The following HDC variants were observed in gnomAD, a reference collection of about 807,000 sequenced individuals.
HDC encodes the protein histidine decarboxylase.
In HDC, 27 loss-of-function variants were observed where a neutral mutation model predicts 64.4. The observed-to-expected ratio is 0.42, with a 90% CI of 0.31 to 0.58. The LOEUF is 0.58. Ranked by LOEUF, HDC falls within the 20% of genes least tolerant of loss-of-function variation. The pLI, the probability that HDC is intolerant of heterozygous loss-of-function variation, is 0.16. For synonymous variants in HDC, 305 were observed against 314.2 expected (o/e 0.97, Z 0.31); for missense variants, 711 against 833.9 (o/e 0.85, Z 1.81).
chr15:50,251,427 T>G (rs1405355229), intron 9 of HDC, among the ~76,000 whole-genome samples: 1 of 152,178 alleles, frequency 6.6e-6, no homozygotes, highest in Non-Finnish European at 1.5e-5. Context: ...ATTTTACAGA[T>G]AAGGAAAGCA....
Position 50,252,768 on chromosome 15 carries a change from C to A in HDC, c.794G>T (p.Arg265Leu), listed in dbSNP as rs138457034. 4.6e-4 allele frequency: 735 copies of A among 1,612,628 alleles called. No homozygotes were observed. The highest frequency in any genetic ancestry group is 5.7e-4 in the Non-Finnish European group (675 of 1,179,456). Reference protein sequence around the residue: ...CLSELGPICAREGLWLHIDAA... With the variant: ...CLSELGPICALEGLWLHIDAA... ...ATCGATGTGGAGCCACAGCCCCTCA[C>A]GGGCACCTGAGGAGGCAAACATCAC... The change falls in exon 8 of 12, where the codon CGT (arginine) becomes CTT (leucine). Residue 265 changes from arginine (R) to leucine (L), a missense_variant. Physicochemically the swap from Arg to Leu is moderately radical, Grantham distance 102. Around this residue, in one of 3 missense-constraint regions of HDC, gnomAD observed 483 missense variants for 540.9 expected, o/e 0.89. Coordinates refer to ENST00000267845, the MANE Select transcript of HDC (RefSeq NM_002112.4).
At chr15:50,244,904 A>T (rs1011349626) in intron 10 of HDC, 1 of 152,246 alleles carries the variant, frequency 6.6e-6, no homozygotes, top group Non-Finnish European at 1.5e-5. Context: ...AGTAGCTGGG[A>T]CTACAGACAC....
chr15:50,254,640 T>C lies in HDC; in HGVS notation c.466A>G (p.Ile156Val), dbSNP rs1477551448. ...TTCTTCCTTGCTGCCAGCAGGGCAA[T>C]CAAAGTGGATTCACTGACCGTGCTC... Reference protein sequence around the residue: ...LQSTVSESTLIALLAARKNKI... With the variant: ...LQSTVSESTLVALLAARKNKI... The change falls in exon 5 of 12, where the codon ATT becomes GTT. Residue 156 changes from isoleucine (I) to valine (V), a missense_variant. By Grantham distance (29) the Ile-to-Val change is conservative (BLOSUM62 3). Around this residue, in one of 3 missense-constraint regions of HDC, gnomAD observed 225 missense variants for 276.2 expected, o/e 0.81. Coordinates refer to ENST00000267845, the MANE Select transcript of HDC (RefSeq NM_002112.4). 4 of 1,614,090 alleles carry C rather than the reference T, an allele frequency of 2.5e-6. No individual in the cohort carries two copies. The Admixed American group carries it at 6.7e-5, about 27-fold the overall frequency.
Position 50,242,822 on chromosome 15 carries a change from C to T in HDC, c.1427G>A (p.Ser476Asn), listed in dbSNP as rs763301734. 1 of 1,614,032 alleles carries T rather than the reference C, an allele frequency of 6.2e-7. No homozygotes were observed. Among genetic ancestry groups the T allele is most frequent in the African/African-American group, 1.3e-5 (1 of 75,008 alleles). Residue 476 changes from serine to asparagine, a missense_variant, in exon 12 of 12, where the codon AGT (serine) becomes AAT (asparagine). This residue lies in a region of HDC where 483 missense variants were observed against 540.9 expected (regional missense o/e 0.89). Transcript: ENST00000267845. ...GCTGGGTTGGGAAGTACAGTGCTGACTCAGGATGAGAGTGGCAGCATCTCG... is the reference window on the plus strand; with the variant it reads ...GCTGGGTTGGGAAGTACAGTGCTGATTCAGGATGAGAGTGGCAGCATCTCG... Reference protein sequence around the residue: ...LIRDAATLILSQHCTSQPSPR... With the variant: ...LIRDAATLILNQHCTSQPSPR...
intron 9 of HDC, among the ~76,000 whole-genome samples, chr15:50,249,961 G>T (rs539782109): frequency 2.6e-5 from 4 of 152,300 alleles, no homozygotes; most frequent in South Asian, 2.1e-4. Context: ...GACGTATAAA[G>T]CCTGACAGGG....
chr15:50,256,907 C>T (rs2045640042), intron 4 of HDC, among the ~76,000 whole-genome samples: 1 of 152,110 alleles, frequency 6.6e-6, no homozygotes, highest in Non-Finnish European at 1.5e-5. Context: ...CCATGGGAGG[C>T]ACCCAGAAAG....
At chr15:50,247,727 T>C (rs2045501140) in intron 10 of HDC, among the ~76,000 whole-genome samples, 1 of 152,208 alleles carries the variant, frequency 6.6e-6, no homozygotes, top group South Asian at 2.1e-4. Context: ...TTGAATTGAA[T>C]AGAAATAAAT....
At chr15:50,254,766 CTCTCTCTCTCTG>C in intron 4 of HDC, 102 bp from the exon 5 acceptor site, 3 of 1,056,294 alleles carry the variant, frequency 2.8e-6, no homozygotes, top group Non-Finnish European at 4.2e-6. Flanking sequence ...CTCTCTCTCT[CTCTCTCTCTCTG>C]TGTGTGTATG....
intron 2 of HDC, 75 bp from the exon 3 acceptor site, chr15:50,258,592 T>G: frequency 2.4e-6 from 2 of 843,462 alleles, no homozygotes; most frequent in South Asian, 1.4e-5. Flanking sequence ...AGACCATCTC[T>G]GGCAAGGTGA....
intron 3 of HDC, 51 bp from the exon 4 acceptor site, chr15:50,257,598 G>A: frequency 1.9e-6 from 3 of 1,607,404 alleles, no homozygotes; most frequent in Non-Finnish European, 2.6e-6. Context: ...GCACTGAGGT[G>A]CCCCCACGAG....
At chr15:50,252,895 A>AGG in intron 7 of HDC, 121 bp from the exon 8 acceptor site, 1 of 996,038 alleles carries the variant, frequency 1.0e-6, no homozygotes, top group East Asian at 2.6e-5. Flanking sequence ...TGAGAAACGG[A>AGG]GGGGTGTGGA....
At chr15:50,245,244 A>T (rs1696939253) in intron 10 of HDC, among the ~76,000 whole-genome samples, 1 of 152,246 alleles carries the variant, frequency 6.6e-6, no homozygotes, top group Non-Finnish European at 1.5e-5. Context: ...TTTGGAACAC[A>T]GCATTCCCAT....
At chr15:50,262,901 C>G (rs1446063981) in intron 2 of HDC, among the ~76,000 whole-genome samples, 1 of 152,016 alleles carries the variant, frequency 6.6e-6, no homozygotes, top group African/African-American at 2.4e-5. Flanking sequence ...GTCCTTTCCC[C>G]TCAGACAAAA....
chr15:50,254,473 C>G (rs970160307), intron 5 of HDC, 57 bp downstream of exon 5: 8 of 1,612,816 alleles, frequency 5.0e-6, no homozygotes, highest in Middle Eastern at 1.8e-4. Flanking sequence ...GCTCAAGGAC[C>G]AAGATTCCAG....
In HDC at chr15:50,258,378, G is replaced by A. The variant is rs150277501; in HGVS notation, c.318+26C>T. On this transcript the variant is annotated intron_variant, in intron 3 of 11. Transcript: ENST00000267845. ...CACTCCCTGCTACGTTCCCCATTGC[G>A]AGTAGTTACAGCCGTTGCTACTCAC... 663 of 1,325,050 alleles carry A rather than the reference G, an allele frequency of 5.0e-4. 3 individuals are homozygous for A. In the East Asian group the frequency reaches 0.014, roughly 29 times the overall value. 82.1% of individuals were successfully genotyped at this position (1,325,050 alleles called of 1,614,324 possible).
intron 1 of HDC, among the ~76,000 whole-genome samples, chr15:50,264,858 C>T (rs1172224660): frequency 6.6e-6 from 1 of 152,168 alleles, no homozygotes; most frequent in Non-Finnish European, 1.5e-5. Flanking sequence ...GAGCTCTAGA[C>T]CTAACCCTCC....
At chr15:50,245,224 T>G (rs2045464027) in intron 10 of HDC, among the ~76,000 whole-genome samples, 1 of 152,236 alleles carries the variant, frequency 6.6e-6, no homozygotes, top group African/African-American at 2.4e-5. Flanking sequence ...CACCTGTGTT[T>G]GTAAAGTTTT....
rs1193379278 is a variant in HDC, at chr15:50,242,548, G to GGAGGACAGC, written c.1692_1700dup (p.Leu565_Ser567dup). On this transcript the variant is annotated inframe_insertion, in exon 12 of 12. Transcript: ENST00000267845. ...GCACAGACAAGTAACTGAACAGGAAGGAGGACAGCTTGTGCTTGGTGGCAT... is the reference window on the plus strand; with the variant it reads ...GCACAGACAAGTAACTGAACAGGAAGGAGGACAGCGAGGACAGCTTGTGCTTGGTGGCAT... 2 of 1,614,086 alleles carry GGAGGACAGC rather than the reference G, an allele frequency of 1.2e-6. No individual in the cohort carries two copies. Among genetic ancestry groups the GGAGGACAGC allele is most frequent in the African/African-American group, 2.7e-5 (2 of 74,928 alleles).
intron 10 of HDC, among the ~76,000 whole-genome samples, chr15:50,245,697 A>G (rs1156663933): frequency 1.3e-5 from 2 of 152,070 alleles, no homozygotes; most frequent in Non-Finnish European, 2.9e-5. Flanking sequence ...GAGCGTGAGA[A>G]CAACCTGGGC....
Sources: allele counts gnomAD v4.1 joint callset (sites outside exome capture counted in the v4.1 genomes callset), GRCh38; gene constraint gnomAD v4.1.1; regional missense constraint gnomAD v4.1.1; transcripts MANE v1.5; gene names NCBI Gene and HGNC (gene_info 2026-07-23, HGNC 2026-07-21).